EIF4E3: variants seen among roughly 807,000 people sequenced by gnomAD.
EIF4E3 encodes the protein eukaryotic translation initiation factor 4E family member 3.
A neutral mutation model predicts 31.7 loss-of-function variants in EIF4E3; 26 were observed. The ratio of observed to expected loss-of-function variants is 0.82; its 90% CI spans 0.60 to 1.14. EIF4E3 has a LOEUF of 1.14. Ranked by LOEUF, EIF4E3 falls within the 50% of genes most tolerant of loss-of-function variation. The pLI is 0.00. For missense variants in EIF4E3, 304 were observed against 270.9 expected (o/e 1.12, Z -0.86); for synonymous variants, 128 against 107.7 (o/e 1.19, Z -1.17).
rs150297406 is a variant in EIF4E3 at position 71,707,187 on chromosome 3, C to A, written c.249+3225G>T. ...ATTGGGTACTTACTATGGCTTTTTA[C>A]CTCATTGTATCATTTAAGTCTCATA... On this transcript the variant is annotated intron_variant, in intron 2 of 6. Coordinates refer to ENST00000425534, the MANE Select transcript of EIF4E3 (RefSeq NM_001134651.2). Among the ~76,000 whole-genome samples, 91 of 152,250 alleles carry A rather than the reference C, an allele frequency of 6.0e-4. 1 individual carries two copies. Among genetic ancestry groups the A allele is most frequent in the African/African-American group, 2.1e-3 (87 of 41,552 alleles).
intron 1 of EIF4E3, among the ~76,000 whole-genome samples, chr3:71,730,813 T>G (rs1173055934): frequency 2.0e-5 from 3 of 152,098 alleles, no homozygotes; most frequent in Non-Finnish European, 4.4e-5. Flanking sequence ...TCATGCAGCC[T>G]CGGCCTCCCA....
chr3:71,704,139 G>C (rs2049257400), intron 2 of EIF4E3, among the ~76,000 whole-genome samples: 1 of 152,268 alleles, frequency 6.6e-6, no homozygotes, highest in Non-Finnish European at 1.5e-5. Context: ...TTGGCTTAAA[G>C]AGAGAGCCCA....
intron 2 of EIF4E3, among the ~76,000 whole-genome samples, chr3:71,700,495 T>C (rs1190392056): frequency 6.6e-6 from 1 of 151,458 alleles, no homozygotes; most frequent in Non-Finnish European, 1.5e-5. Flanking sequence ...ACGCCTATAA[T>C]CCCAGCTACT....
At chr3:71,724,912 C>A (rs1301538629) in intron 1 of EIF4E3, among the ~76,000 whole-genome samples, 1 of 152,156 alleles carries the variant, frequency 6.6e-6, no homozygotes, top group East Asian at 1.9e-4. Flanking sequence ...GCGTTCCGAT[C>A]GGAAGGGAAC....
chr3:71,701,593 C>G (rs2049217320), intron 2 of EIF4E3, among the ~76,000 whole-genome samples: 1 of 152,120 alleles, frequency 6.6e-6, no homozygotes, highest in Non-Finnish European at 1.5e-5. Context: ...CCCAGTAGGT[C>G]TGAGGAAAGC....
intron 5 of EIF4E3, 62 bp from the exon 6 acceptor site, chr3:71,690,227 T>C: frequency 6.7e-7 from 1 of 1,482,688 alleles, no homozygotes; most frequent in South Asian, 1.4e-5. Context: ...TGACTGTTTC[T>C]AAGAACTTAG....
rs1416599863 is a variant in EIF4E3, at chr3:71,677,079, G to A, written c.*7603C>T. On this transcript the variant is annotated 3_prime_UTR_variant, in exon 7 of 7. Coordinates refer to ENST00000425534, the MANE Select transcript of EIF4E3 (RefSeq NM_001134651.2). ...ATTTAGCCCTGCCATCTGTACAAAT[G>A]GTACCAGAGTTCAACATGCTTACGA... The A allele has an allele frequency of 6.6e-6, 1 of 152,160 alleles. No individual in the cohort carries two copies. Among genetic ancestry groups the A allele is most frequent in the Non-Finnish European group, 1.5e-5 (1 of 68,034 alleles). The allele number at this position is 152,160 out of a possible 1,614,324, so 9.4% of individuals were successfully genotyped here. A position where few individuals can be genotyped will look rare whatever the true frequency, so the allele number is the denominator to read the frequency against.
intron 2 of EIF4E3, among the ~76,000 whole-genome samples, chr3:71,708,323 A>G (rs1446295738): frequency 1.3e-5 from 2 of 152,160 alleles, no homozygotes; most frequent in Non-Finnish European, 2.9e-5. Flanking sequence ...TGGGGGATGG[A>G]GGCTGGCAGG....
In EIF4E3 at chr3:71,679,396, T is replaced by G. The variant is rs986582427; in HGVS notation, c.*5286A>C. On this transcript the variant is annotated 3_prime_UTR_variant, in exon 7 of 7. Transcript: ENST00000425534. The stretch of plus-strand genomic sequence containing the variant: ...AATTATCTGACTTCGATATTAGAAA[T>G]TGAAATTTTCATAAAGAAATCTTGC... 1 of 152,174 alleles carries G rather than the reference T, an allele frequency of 6.6e-6. No homozygotes were observed. Among genetic ancestry groups the G allele is most frequent in the African/African-American group, 2.4e-5 (1 of 41,460 alleles). The allele number at this position is 152,174 out of a possible 1,614,324, so 9.4% of individuals were successfully genotyped here. A position where few individuals can be genotyped will look rare whatever the true frequency, so the allele number is the denominator to read the frequency against.
intron 2 of EIF4E3, among the ~76,000 whole-genome samples, chr3:71,701,272 C>T (rs914506245): frequency 1.3e-5 from 2 of 152,118 alleles, no homozygotes; most frequent in African/African-American, 4.8e-5. Flanking sequence ...GTTCTCTGAG[C>T]CAGGCTTTGT....
At chr3:71,663,095 C>T in the EIF4E3 span, among the ~76,000 whole-genome samples, 1 of 152,110 alleles carries the variant, frequency 6.6e-6, no homozygotes, top group Admixed American at 6.6e-5. Flanking sequence ...TTCACTATTG[C>T]CAAGCCCCTT....
At position 71,696,496 on chromosome 3, in the gene EIF4E3, A is replaced by G; in HGVS notation, c.369T>C (p.Gly123=). The G allele has an allele frequency of 6.2e-7, 1 of 1,614,054 alleles. No individual in the cohort carries two copies. Among genetic ancestry groups the G allele is most frequent in the Non-Finnish European group, 8.5e-7 (1 of 1,180,016 alleles). The part of the protein sequence containing the change: ...PLWEEESNAK[G]GVWKMKVPKD... ...TGGGGACTTTCATCTTCCATACGCC[A>G]CCCTTTGCATTACTCTCCTCTTCCC... Residue 123 remains glycine, a synonymous_variant, in exon 4 of 7, where the codon GGT becomes GGC. Coordinates refer to ENST00000425534, the MANE Select transcript of EIF4E3 (RefSeq NM_001134651.2).
chr3:71,664,270 C>A, the EIF4E3 span, among the ~76,000 whole-genome samples: 14 of 152,176 alleles, frequency 9.2e-5, no homozygotes, highest in Admixed American at 7.2e-4. Flanking sequence ...CATCTTCATA[C>A]TCCATTTAAA....
chr3:71,739,094 G>A (rs2049794365), intron 1 of EIF4E3, among the ~76,000 whole-genome samples: 1 of 148,822 alleles, frequency 6.7e-6, no homozygotes, highest in Non-Finnish European at 1.5e-5. Flanking sequence ...CATGTCAGAT[G>A]CAGCTAAAGC....
At chr3:71,731,917 C>A (rs1452075771) in intron 1 of EIF4E3, among the ~76,000 whole-genome samples, 1 of 152,120 alleles carries the variant, frequency 6.6e-6, no homozygotes, top group Non-Finnish European at 1.5e-5. Flanking sequence ...TAATTATACA[C>A]CTATATTTAC....
chr3:71,666,428 G>T, the EIF4E3 span, among the ~76,000 whole-genome samples: 1 of 152,098 alleles, frequency 6.6e-6, no homozygotes, highest in Non-Finnish European at 1.5e-5. Context: ...CCAATAACAA[G>T]TTCTGATATT....
intron 1 of EIF4E3, among the ~76,000 whole-genome samples, chr3:71,721,960 G>A (rs947104664): frequency 6.6e-5 from 10 of 151,938 alleles, no homozygotes; most frequent in East Asian, 1.9e-4. Context: ...GGATGAAGGC[G>A]AAAGAGCAAG....
Position 71,690,110 on chromosome 3 carries a change from T to C in EIF4E3, c.528A>G (p.Gln176=). The change falls in exon 6 of 7, where the codon CAA becomes CAG. Residue 176 remains glutamine (Q), a synonymous_variant. Transcript: ENST00000425534. ...CTAAAGAGGCATTTACATTCCAGAC[T>C]TGGACGACGTCTTCTCGGTCCCGAA... ...VSVRDREDVV[Q]VWNVNASLVG... The C allele has an allele frequency of 6.2e-7, 1 of 1,613,962 alleles. No individual in the cohort carries two copies. Among genetic ancestry groups the C allele is most frequent in the Non-Finnish European group, 8.5e-7 (1 of 1,179,956 alleles).
chr3:71,751,805 G>A (rs549590898), intron 1 of EIF4E3, among the ~76,000 whole-genome samples: 8 of 152,098 alleles, frequency 5.3e-5, no homozygotes, highest in South Asian at 2.1e-4. Flanking sequence ...CTGGGGCGTC[G>A]GCAGCCTACT....
Sources: gnomAD v4.1 joint callset for allele counts (sites outside exome capture counted in the v4.1 genomes callset) on GRCh38, gnomAD v4.1.1 for gene constraint, MANE v1.5 for transcripts, NCBI Gene and HGNC (gene_info 2026-07-23, HGNC 2026-07-21) for gene names.